Variants in PCED1B observed in about 807,000 individuals in gnomAD.
The protein encoded by PCED1B is PC-esterase domain-containing protein 1B.
For missense variants in PCED1B, 573 were observed against 573.9 expected (o/e 1.00, Z 0.02); for synonymous variants, 251 against 246.1 (o/e 1.02, Z -0.19).
In PCED1B at chr12:47,235,844, C is replaced by G; in HGVS notation, c.781C>G (p.Pro261Ala). The change falls in exon 4 of 4, where the codon CCC (proline) becomes GCC (alanine). Residue 261 changes from proline to alanine, a missense_variant. Coordinates refer to ENST00000546455, the MANE Select transcript of PCED1B (RefSeq NM_138371.3). ...AWGVELPHRH[P>A]VGEWIKKKKP... is the part of the protein sequence containing the mutation. ...GGGTGTGGAGCTGCCCCACCGCCAC[C>G]CCGTGGGCGAGTGGATCAAGAAGAA... is the stretch of plus-strand genomic sequence containing the variant. 6.4e-7 allele frequency: 1 copy of G among 1,574,736 alleles called. No homozygotes were observed. Among genetic ancestry groups the G allele is most frequent in the Non-Finnish European group, 8.6e-7 (1 of 1,160,376 alleles).
chr12:47,185,792 CA>C (rs58425348), intron 2 of PCED1B, among the ~76,000 whole-genome samples: 84,608 of 135,974 alleles, frequency 0.62, 24,778 homozygotes, highest in South Asian at 0.72. Context: ...GACTCAGTCT[CA>C]AAAAAAAAAA....
intron 1 of PCED1B, among the ~76,000 whole-genome samples, chr12:47,100,779 T>G (rs1938667866): frequency 6.6e-6 from 1 of 152,168 alleles, no homozygotes; most frequent in Non-Finnish European, 1.5e-5. Context: ...CTAAAAGTTA[T>G]TTGATTGGCC....
At chr12:47,098,124 A>G (rs1938553824) in intron 1 of PCED1B, among the ~76,000 whole-genome samples, 1 of 152,188 alleles carries the variant, frequency 6.6e-6, no homozygotes, top group Admixed American at 6.5e-5. Context: ...TGCTATTCAC[A>G]GTCGCTGCTG....
rs1555145781 is a variant in PCED1B, at chr12:47,174,442, A to AAACAAAATAAAT, written c.-525-41778_-525-41777insCAAAATAAATAA. On this transcript the variant is annotated intron_variant, in intron 2 of 3. Transcript: ENST00000546455. ...AAACAAACAAAACAAACAAACAAAC[A>AAACAAAATAAAT]AAATAAATAAATAAATAAATAAATA... Among the ~76,000 whole-genome samples, 67 of 151,000 alleles carry AAACAAAATAAAT rather than the reference A, an allele frequency of 4.4e-4. No individual in the cohort carries two copies. The South Asian group carries it at 5.2e-3, about 12-fold the overall frequency.
intron 1 of PCED1B, among the ~76,000 whole-genome samples, chr12:47,097,128 C>T (rs185198015): frequency 2.6e-3 from 395 of 152,258 alleles, no homozygotes; most frequent in Non-Finnish European, 4.5e-3. Flanking sequence ...GGGATTTACC[C>T]ACATTTACAT....
chr12:47,124,926 G>T (rs927591931), intron 2 of PCED1B, among the ~76,000 whole-genome samples: 1 of 151,880 alleles, frequency 6.6e-6, no homozygotes, highest in African/African-American at 2.4e-5. Context: ...TTCTTAACAG[G>T]TAAGTGATGA....
chr12:47,225,539 G>GA (rs1312479932), intron 3 of PCED1B, among the ~76,000 whole-genome samples: 1 of 152,128 alleles, frequency 6.6e-6, no homozygotes, highest in African/African-American at 2.4e-5. Flanking sequence ...AATTCACTTA[G>GA]AAAACTAAGC....
At chr12:47,085,189 G>T (rs1467015991) in intron 1 of PCED1B, among the ~76,000 whole-genome samples, 1 of 152,184 alleles carries the variant, frequency 6.6e-6, no homozygotes, top group Non-Finnish European at 1.5e-5. Flanking sequence ...GGAACCTCAA[G>T]AGTTAATTGA....
intron 3 of PCED1B, among the ~76,000 whole-genome samples, chr12:47,217,504 GAAAGAAAGAA>G (rs1943324822): frequency 7.4e-6 from 1 of 135,210 alleles, no homozygotes; most frequent in South Asian, 2.3e-4. Flanking sequence ...AAGAAAGAAA[GAAAGAAAGAA>G]AGAAGAAAGA....
At chr12:47,183,263 G>C (rs956565387) in intron 2 of PCED1B, among the ~76,000 whole-genome samples, 1 of 152,214 alleles carries the variant, frequency 6.6e-6, no homozygotes, top group Non-Finnish European at 1.5e-5. Flanking sequence ...GAGGTGGGCA[G>C]AATGTACATA....
intron 2 of PCED1B, among the ~76,000 whole-genome samples, chr12:47,167,606 A>T (rs1444911753): frequency 2.0e-5 from 3 of 152,312 alleles, no homozygotes; most frequent in South Asian, 4.1e-4. Context: ...AGGAAAAGCA[A>T]CCCTACAATG....
chr12:47,146,576 G>T (rs1456259963), intron 2 of PCED1B, among the ~76,000 whole-genome samples: 2 of 152,188 alleles, frequency 1.3e-5, no homozygotes, highest in African/African-American at 4.8e-5. Flanking sequence ...ACCCTGATCA[G>T]ATTGAGGCAA....
rs374471749 is a variant in PCED1B at position 47,208,192 on chromosome 12, T to C, written c.-525-8030T>C. On this transcript the variant is annotated intron_variant, in intron 2 of 3. Transcript: ENST00000546455. ...CACGTGCCTGAACTCAAAGCAGTCA[T>C]ACTGTTAAGGGATAGACTTGGTGCT... Among the ~76,000 whole-genome samples, 5 of 152,264 alleles carry C rather than the reference T, an allele frequency of 3.3e-5. No individual in the cohort carries two copies. In the East Asian group the frequency reaches 5.8e-4, roughly 18 times the overall value.
In PCED1B at chr12:47,171,137, G is replaced by A. The variant is rs559704694; in HGVS notation, c.-525-45085G>A. On this transcript the variant is annotated intron_variant, in intron 2 of 3. Transcript: ENST00000546455. ...GGCTGGAGTGCAATGGCACCATCTC[G>A]ACTCACTGCAACCTCCGCCTCCCGG... 9.3e-5 allele frequency among the ~76,000 whole-genome samples: 13 copies of A among 140,334 alleles called. No individual in the cohort carries two copies. The South Asian group carries it at 3.0e-3, about 32-fold the overall frequency. 92.1% of individuals were successfully genotyped at this position (140,334 alleles called of 152,430 possible). A position where few individuals can be genotyped will look rare whatever the true frequency, so the allele number is the denominator to read the frequency against.
At chr12:47,122,445 A>G (rs1481939019) in intron 2 of PCED1B, among the ~76,000 whole-genome samples, 2 of 152,234 alleles carry the variant, frequency 1.3e-5, no homozygotes, top group African/African-American at 4.8e-5. Context: ...TTACATCATA[A>G]TTGCTCAAAC....
chr12:47,164,999 T>G (rs575398596), intron 2 of PCED1B, among the ~76,000 whole-genome samples: 1 of 152,346 alleles, frequency 6.6e-6, no homozygotes, highest in South Asian at 2.1e-4. Flanking sequence ...AGGCTTCCTC[T>G]GGCTTCCTCT....
At chr12:47,217,401 CAGAGA>C (rs1943293896) in intron 3 of PCED1B, among the ~76,000 whole-genome samples, 4 of 115,002 alleles carry the variant, frequency 3.5e-5, no homozygotes, top group African/African-American at 8.5e-5. Context: ...AAGAAAGAAA[CAGAGA>C]GAGAGAGAGA....
chr12:47,088,466 C>T (rs1045607380), intron 1 of PCED1B, among the ~76,000 whole-genome samples: 15 of 152,060 alleles, frequency 9.9e-5, no homozygotes, highest in Non-Finnish European at 1.5e-4. Flanking sequence ...CCTGGGGACT[C>T]GAAGGTGGCA....
intron 2 of PCED1B, among the ~76,000 whole-genome samples, chr12:47,166,061 G>A (rs975793598): frequency 5.3e-5 from 8 of 152,004 alleles, no homozygotes; most frequent in African/African-American, 1.7e-4. Context: ...GCCCTGACCC[G>A]GGGTCAACCC....
Sources: allele counts gnomAD v4.1 joint callset (sites outside exome capture counted in the v4.1 genomes callset), GRCh38; gene constraint gnomAD v4.1.1; transcripts MANE v1.5; gene names NCBI Gene and HGNC (gene_info 2026-07-23, HGNC 2026-07-21).